Variants in ZNF608 observed in about 807,000 individuals in gnomAD.
ZNF608 encodes the protein zinc finger protein 608.
Under a neutral mutation model 109.0 loss-of-function variants are expected in ZNF608, and 12 were observed. The observed-to-expected ratio is 0.11, with a 90% CI of 0.07 to 0.18. ZNF608 has a LOEUF of 0.18. ZNF608 is among the 10% of genes least tolerant of loss of function. The pLI is 1.00. For missense variants in ZNF608, 1,707 were observed against 1,879.3 expected (o/e 0.91, Z 1.70); for synonymous variants, 732 against 717.4 (o/e 1.02, Z -0.33).
At chr5:124,671,575 G>A (rs1751723060) in intron 3 of ZNF608, among the ~76,000 whole-genome samples, 1 of 151,724 alleles carries the variant, frequency 6.6e-6, no homozygotes, top group South Asian at 2.1e-4. Flanking sequence ...TATTTTATAT[G>A]GAGAAAGAAA....
In ZNF608 at chr5:124,638,785, T is replaced by C. The variant is rs1750100441; in HGVS notation, c.4532+348A>G. On this transcript the variant is annotated intron_variant, in intron 9 of 9. Transcript: ENST00000513986. ...AATATCAAAGAACAAACATTACCTT[T>C]AGCATTATGAAAATAAATGTCTCCA... The C allele has an allele frequency of 4.8e-6, 5 of 1,049,030 alleles. No homozygotes were observed. In the South Asian group the frequency reaches 6.2e-5, roughly 13 times the overall value. The allele number at this position is 1,049,030 out of a possible 1,614,324, so 65.0% of individuals were successfully genotyped here. A position where few individuals can be genotyped will look rare whatever the true frequency, so the allele number is the denominator to read the frequency against.
intron 2 of ZNF608, among the ~76,000 whole-genome samples, chr5:124,742,294 T>G (rs1441625438): frequency 1.3e-5 from 2 of 152,122 alleles, no homozygotes; most frequent in African/African-American, 4.8e-5. Flanking sequence ...TAAACAAAAT[T>G]GTTGAATGTG....
intron 2 of ZNF608, among the ~76,000 whole-genome samples, chr5:124,707,522 T>C (rs1234998827): frequency 6.6e-6 from 1 of 152,136 alleles, no homozygotes; most frequent in Non-Finnish European, 1.5e-5. Context: ...AGAGCCAATA[T>C]TGTTATAGTC....
chr5:124,645,711 C>G (rs1053081078), intron 5 of ZNF608, among the ~76,000 whole-genome samples: 3 of 152,068 alleles, frequency 2.0e-5, no homozygotes, highest in Non-Finnish European at 4.4e-5. Context: ...CAGGTGTTCT[C>G]AAGCTGACTG....
intron 3 of ZNF608, among the ~76,000 whole-genome samples, chr5:124,668,740 G>A (rs112453317): frequency 2.1e-4 from 32 of 152,056 alleles, no homozygotes; most frequent in African/African-American, 6.3e-4. Flanking sequence ...GGAGCCTTTC[G>A]GGAATTTTGC....
At chr5:124,683,362 T>C (rs1230108843) in intron 3 of ZNF608, among the ~76,000 whole-genome samples, 1 of 152,202 alleles carries the variant, frequency 6.6e-6, no homozygotes, top group Non-Finnish European at 1.5e-5. Flanking sequence ...AATAATGTGC[T>C]ACATAGCAAT....
In ZNF608 at chr5:124,746,611, T is replaced by C. The variant is rs568014525; in HGVS notation, c.-600A>G. On this transcript the variant is annotated 5_prime_UTR_variant, in exon 1 of 10. Coordinates refer to ENST00000513986, the MANE Select transcript of ZNF608 (RefSeq NM_020747.3). Reference sequence around the variant, plus strand: ...CACCGTGATCAGTAATGATCCCATGTAGCAAACCTACAGGCGTCCGCTAGT... The same window carrying C: ...CACCGTGATCAGTAATGATCCCATGCAGCAAACCTACAGGCGTCCGCTAGT... The C allele has an allele frequency of 8.1e-6, 8 of 985,354 alleles. No individual in the cohort carries two copies. In the South Asian group the frequency reaches 1.4e-4, roughly 17 times the overall value. The allele number at this position is 985,354 out of a possible 1,614,324, so 61.0% of individuals were successfully genotyped here.
At position 124,746,229 on chromosome 5, in the gene ZNF608, C is replaced by A. The variant is rs1453127595; in HGVS notation, c.-218G>T. 2.3e-5 allele frequency: 23 copies of A among 985,248 alleles called. No homozygotes were observed. The highest frequency in any genetic ancestry group is 2.5e-5 in the Non-Finnish European group (21 of 829,940). 61.0% of individuals were successfully genotyped at this position (985,248 alleles called of 1,614,324 possible). A position where few individuals can be genotyped will look rare whatever the true frequency, so the allele number is the denominator to read the frequency against. On this transcript the variant is annotated 5_prime_UTR_variant, in exon 1 of 10. Coordinates refer to ENST00000513986, the MANE Select transcript of ZNF608 (RefSeq NM_020747.3). ...CTTTATCATTTTTTAATTAGGCCAG[C>A]AAATCAAAATGCCTTTCCCACTCCA... is the stretch of plus-strand genomic sequence containing the variant.
At chr5:124,680,441 C>G (rs184627824) in intron 3 of ZNF608, among the ~76,000 whole-genome samples, 125 of 151,576 alleles carry the variant, frequency 8.2e-4, no homozygotes, top group African/African-American at 2.8e-3. Context: ...AAATTGGCAC[C>G]AAGAAAGTTG....
chr5:124,704,138 A>G (rs1753165301), intron 2 of ZNF608, among the ~76,000 whole-genome samples: 1 of 152,244 alleles, frequency 6.6e-6, no homozygotes. Context: ...GCTAAGGTTC[A>G]GAGAGTTTGA....
At chr5:124,709,445 C>T (rs1753403396) in intron 2 of ZNF608, among the ~76,000 whole-genome samples, 1 of 152,190 alleles carries the variant, frequency 6.6e-6, no homozygotes, top group African/African-American at 2.4e-5. Flanking sequence ...CTACTCTACT[C>T]AATGTCTTAA....
At chr5:124,729,639 G>A (rs1748785095) in intron 2 of ZNF608, among the ~76,000 whole-genome samples, 1 of 152,140 alleles carries the variant, frequency 6.6e-6, no homozygotes, top group Non-Finnish European at 1.5e-5. Context: ...ATATGTTTAA[G>A]TATATATATC....
intron 2 of ZNF608, among the ~76,000 whole-genome samples, chr5:124,737,872 C>T (rs1749220554): frequency 1.3e-5 from 2 of 152,170 alleles, no homozygotes; most frequent in African/African-American, 4.8e-5. Context: ...GCTTTGTTCC[C>T]ATTGCCAAAA....
chr5:124,647,327 A>T lies in ZNF608; in HGVS notation c.3057T>A (p.Ala1019=). The change falls in exon 5 of 10, where the codon GCT becomes GCA. Residue 1019 remains alanine (A), a synonymous_variant. Coordinates refer to ENST00000513986, the MANE Select transcript of ZNF608 (RefSeq NM_020747.3). ...TTCCCTGCGTGCTCCCACTATTTCC[A>T]GCTGCAGGGGCACCGACCTGCCCAG... is the stretch of plus-strand genomic sequence containing the variant. ...MHPGQVGAPA[A]GNSGSTQGMK... 1 of 1,614,194 alleles carries T rather than the reference A, an allele frequency of 6.2e-7. No individual in the cohort carries two copies. The highest frequency in any genetic ancestry group is 8.5e-7 in the Non-Finnish European group (1 of 1,180,022).
intron 2 of ZNF608, chr5:124,708,914 G>A: frequency 2.6e-6 from 1 of 389,712 alleles, no homozygotes; most frequent in Non-Finnish European, 5.1e-6. Context: ...GCTCACGCCT[G>A]TAATCCCAGC....
At chr5:124,718,412 C>G (rs1753786821) in intron 2 of ZNF608, among the ~76,000 whole-genome samples, 1 of 152,194 alleles carries the variant, frequency 6.6e-6, no homozygotes, top group African/African-American at 2.4e-5. Context: ...TGTACGAACT[C>G]TTTGAAGAAA....
At chr5:124,663,573 C>T (rs1376391436) in intron 3 of ZNF608, among the ~76,000 whole-genome samples, 1 of 152,188 alleles carries the variant, frequency 6.6e-6, no homozygotes, top group Non-Finnish European at 1.5e-5. Flanking sequence ...TGGTTTTATA[C>T]ACAGCTTTTG....
Position 124,701,140 on chromosome 5 carries a change from G to A in ZNF608, c.1036C>T (p.Arg346Trp), listed in dbSNP as rs759518362. Residue 346 changes from arginine to tryptophan, a missense_variant, in exon 3 of 10, where the codon CGG (arginine) becomes TGG (tryptophan). This residue lies in a region of ZNF608 where 407 missense variants were observed against 398.7 expected (regional missense o/e 1.02). Coordinates refer to ENST00000513986, the MANE Select transcript of ZNF608 (RefSeq NM_020747.3). ...GTATTGACACCCACAGAACGAGTCC[G>A]AACCAAAAGCTGTTCAACCGGTGCT... ...IAAPVEQLLV[R>W]TRSVGVNTCE... 2.5e-6 allele frequency: 4 copies of A among 1,613,988 alleles called. No individual in the cohort carries two copies. Among genetic ancestry groups the A allele is most frequent in the Non-Finnish European group, 3.4e-6 (4 of 1,180,022 alleles).
chr5:124,717,913 A>G (rs181437635), intron 2 of ZNF608, among the ~76,000 whole-genome samples: 193 of 152,274 alleles, frequency 1.3e-3, no homozygotes, highest in Non-Finnish European at 2.0e-3. Context: ...AATGAATCCT[A>G]TGGCTGGCAC....
Sources: allele counts gnomAD v4.1 joint callset (sites outside exome capture counted in the v4.1 genomes callset), GRCh38; gene constraint gnomAD v4.1.1; regional missense constraint gnomAD v4.1.1; transcripts MANE v1.5; gene names NCBI Gene and HGNC (gene_info 2026-07-23, HGNC 2026-07-21).